PPFIA1: variants seen among roughly 807,000 people sequenced by gnomAD.
PPFIA1 encodes liprin-alpha-1.
PPFIA1 carries 25 observed loss-of-function variants against 149.9 expected under a neutral mutation model. The observed-to-expected ratio is 0.17, with a 90% CI of 0.12 to 0.23. The LOEUF (loss-of-function observed/expected upper bound fraction) is 0.23. Among genes scored for constraint, PPFIA1 ranks in the 10% least tolerant of loss-of-function variants. The pLI is 1.00. For synonymous variants in PPFIA1, 549 were observed against 552.8 expected (o/e 0.99, Z 0.10); for missense variants, 1,362 against 1,506.5 (o/e 0.90, Z 1.59).
intron 21 of PPFIA1, chr11:70,363,084 A>T (rs1224911547): frequency 6.6e-6 from 1 of 152,316 alleles, no homozygotes; most frequent in Non-Finnish European, 1.5e-5. Context: ...GATATTTGCT[A>T]AGCCAATTAT....
intron 16 of PPFIA1, among the ~76,000 whole-genome samples, chr11:70,349,721 A>G (rs1337824711): frequency 6.6e-6 from 1 of 152,132 alleles, no homozygotes; most frequent in East Asian, 1.9e-4. Context: ...AATTTACATC[A>G]TCTACTAATT....
intron 21 of PPFIA1, among the ~76,000 whole-genome samples, chr11:70,366,182 C>A (rs2056926440): frequency 6.6e-6 from 1 of 152,102 alleles, no homozygotes; most frequent in South Asian, 2.1e-4. Context: ...TCATATGGTG[C>A]CATGGCAGTT....
At position 70,298,145 on chromosome 11, in the gene PPFIA1, T is replaced by G. The variant is rs529286575; in HGVS notation, c.264+25709T>G. ...AAATCAGATGTTTGGGTTTCCTTCC[T>G]TCCGTCAACTTTTCTGTTATATCAC... is the stretch of plus-strand genomic sequence containing the variant. On this transcript the variant is annotated intron_variant, in intron 2 of 27. Transcript: ENST00000253925. Among the ~76,000 whole-genome samples the G allele has an allele frequency of 2.6e-5, 4 of 152,372 alleles. No individual in the cohort carries two copies. The East Asian group carries it at 7.7e-4, about 29-fold the overall frequency.
intron 2 of PPFIA1, among the ~76,000 whole-genome samples, chr11:70,320,485 G>A (rs1172323995): frequency 6.7e-6 from 1 of 148,834 alleles, no homozygotes; most frequent in East Asian, 2.0e-4. Flanking sequence ...GGCCTGGAGT[G>A]CAGTGGTGTG....
chr11:70,300,329 A>G (rs963440058), intron 2 of PPFIA1, among the ~76,000 whole-genome samples: 1 of 151,642 alleles, frequency 6.6e-6, no homozygotes, highest in African/African-American at 2.4e-5. Flanking sequence ...TGATTTTACT[A>G]TTTATTCCTT....
At chr11:70,307,664 T>C (rs1382813221) in intron 2 of PPFIA1, among the ~76,000 whole-genome samples, 1 of 152,212 alleles carries the variant, frequency 6.6e-6, no homozygotes, top group Non-Finnish European at 1.5e-5. Context: ...ATCGCCCCTG[T>C]AGTCCTAGCA....
At position 70,324,476 on chromosome 11, in the gene PPFIA1, A is replaced by G; in HGVS notation, c.339A>G (p.Glu113=). Residue 113 remains glutamate, a synonymous_variant, in exon 3 of 28, where the codon GAA becomes GAG. Coordinates refer to ENST00000253925, the MANE Select transcript of PPFIA1 (RefSeq NM_003626.5). ...QLLEREEEIA[E]LKAERNNTRL... Reference sequence around the variant, plus strand: ...TTGAAAGGGAAGAAGAAATTGCTGAACTGAAAGCAGAAAGGAATAACACCA... The same window carrying G: ...TTGAAAGGGAAGAAGAAATTGCTGAGCTGAAAGCAGAAAGGAATAACACCA... The G allele has an allele frequency of 6.2e-7, 1 of 1,612,978 alleles. No homozygotes were observed. Among genetic ancestry groups the G allele is most frequent in the Non-Finnish European group, 8.5e-7 (1 of 1,178,896 alleles).
chr11:70,367,981 A>G (rs183168390), intron 21 of PPFIA1, among the ~76,000 whole-genome samples: 18 of 152,258 alleles, frequency 1.2e-4, no homozygotes, highest in Admixed American at 1.0e-3. Context: ...TACAAAAAAT[A>G]TAAAAATTAG....
Position 70,378,052 on chromosome 11 carries a change from G to C in PPFIA1, c.3407G>C (p.Arg1136Thr), listed in dbSNP as rs1310059797. ...CAGGATGATGATAAAAGCTTTAGGA[G>C]AGCACCTTCATGGAGAAAAAAGTTT... ...FDEDDDKSFR[R>T]APSWRKKFRP... Residue 1136 changes from arginine (R) to threonine (T), a missense_variant, in exon 26 of 28, where the codon AGA (arginine) becomes ACA (threonine). Arg to Thr is a moderately conservative substitution (Grantham distance 71). Transcript: ENST00000253925. The C allele has an allele frequency of 1.2e-6, 2 of 1,612,682 alleles. No individual in the cohort carries two copies. Among genetic ancestry groups the C allele is most frequent in the East Asian group, 2.2e-5 (1 of 44,868 alleles).
chr11:70,310,975 G>A (rs2053229738), intron 2 of PPFIA1, among the ~76,000 whole-genome samples: 1 of 152,148 alleles, frequency 6.6e-6, no homozygotes, highest in Non-Finnish European at 1.5e-5. Flanking sequence ...TGTGAGCAGT[G>A]AAGGCAGGAA....
chr11:70,324,807 A>T, intron 3 of PPFIA1, 40 bp from the exon 4 acceptor site: 2 of 1,468,380 alleles, frequency 1.4e-6, no homozygotes, highest in African/African-American at 1.4e-5. Context: ...GAAATTAAAA[A>T]TGCTGTTTAA....
intron 2 of PPFIA1, among the ~76,000 whole-genome samples, chr11:70,294,807 T>A (rs867159725): frequency 6.6e-6 from 1 of 151,720 alleles, no homozygotes; most frequent in African/African-American, 2.4e-5. Flanking sequence ...CATCTTGCAC[T>A]GCCCTTAATC....
In PPFIA1 at chr11:70,362,560, T is replaced by C. The variant is rs145724838; in HGVS notation, c.2865+72T>C. The C allele has an allele frequency of 9.1e-5, 131 of 1,444,036 alleles. No individual in the cohort carries two copies. In the East Asian group the frequency reaches 1.5e-3, roughly 17 times the overall value. The allele number at this position is 1,444,036 out of a possible 1,614,324, so 89.5% of individuals were successfully genotyped here. ...TCTCTGAAGGTATCACTGCCCTGTT[T>C]ACATTGCTTCTCCAGTTCCTTAACA... On this transcript the variant is annotated intron_variant, in intron 21 of 27. Transcript: ENST00000253925.
chr11:70,271,959 G>C, intron 1 of PPFIA1: 1 of 576,642 alleles, frequency 1.7e-6, no homozygotes, highest in Non-Finnish European at 3.0e-6. Context: ...CCCTTCCCTG[G>C]ATTTTTGTCT....
In PPFIA1 at chr11:70,322,348, G is replaced by A. The variant is rs979445412; in HGVS notation, c.265-2054G>A. On this transcript the variant is annotated intron_variant, in intron 2 of 27. Transcript: ENST00000253925. Reference sequence around the variant, plus strand: ...GAGTTAATTATCAGAGATGTAAATCGGTATTTGATATGATTAATATTGGCA... The same window carrying A: ...GAGTTAATTATCAGAGATGTAAATCAGTATTTGATATGATTAATATTGGCA... Among the ~76,000 whole-genome samples, 6 of 152,066 alleles carry A rather than the reference G, an allele frequency of 3.9e-5. 1 individual carries two copies. Among genetic ancestry groups the A allele is most frequent in the South Asian group, 4.1e-4 (2 of 4,826 alleles).
intron 2 of PPFIA1, among the ~76,000 whole-genome samples, chr11:70,300,059 C>T (rs111901123): frequency 3.0e-5 from 4 of 131,656 alleles, no homozygotes; most frequent in African/African-American, 1.2e-4. Context: ...CCCTTCCACC[C>T]GCCCCACAGA....
chr11:70,278,326 GT>G (rs2050542625), intron 2 of PPFIA1, among the ~76,000 whole-genome samples: 1 of 152,138 alleles, frequency 6.6e-6, no homozygotes, highest in South Asian at 2.1e-4. Flanking sequence ...GTGAGCCACT[GT>G]GCCCAATTTG....
chr11:70,326,650 G>A lies in PPFIA1; in HGVS notation c.762G>A (p.Glu254=), dbSNP rs2054308442. The A allele has an allele frequency of 1.9e-6, 3 of 1,613,918 alleles. No homozygotes were observed. The highest frequency in any genetic ancestry group is 2.7e-5 in the African/African-American group (2 of 74,870). Residue 254 remains glutamate (E), a synonymous_variant, in exon 7 of 28, where the codon GAG becomes GAA. Transcript: ENST00000253925. ...AGGAAGACCTTGCTAAAGTAATTGA[G>A]CTCCAAGAAATCATAAGTAAGCAGT... ...SHEEDLAKVI[E]LQEIISKQSR... is the part of the protein sequence containing the mutation.
intron 18 of PPFIA1, 33 bp downstream of exon 18, chr11:70,355,844 C>G: frequency 3.2e-6 from 5 of 1,583,278 alleles, no homozygotes; most frequent in Non-Finnish European, 3.4e-6. Flanking sequence ...TCTCAGCACC[C>G]AGGGGTCGGG....
Sources: gnomAD v4.1 joint callset for allele counts (sites outside exome capture counted in the v4.1 genomes callset) on GRCh38, gnomAD v4.1.1 for gene constraint, MANE v1.5 for transcripts, NCBI Gene and HGNC (gene_info 2026-07-23, HGNC 2026-07-21) for gene names.